The following MED12L variants were observed in gnomAD, a reference collection of about 807,000 sequenced individuals.
The protein encoded by MED12L is mediator complex subunit 12L.
In MED12L, 60 loss-of-function variants were observed where a neutral mutation model predicts 281.3. That is an observed-to-expected ratio of 0.21 (90% confidence interval 0.17 to 0.26). MED12L has a LOEUF of 0.26. Among genes scored for constraint, MED12L ranks in the 10% least tolerant of loss-of-function variants. The probability of loss-of-function intolerance (pLI) is 1.00; values close to 1 mark genes in which losing one functional copy is unlikely to be tolerated. For missense variants in MED12L, 2,146 were observed against 2,680.9 expected (o/e 0.80, Z 4.41); for synonymous variants, 974 against 987.2 (o/e 0.99, Z 0.25).
chr3:151,116,016 A>G (rs531359811), intron 2 of MED12L, among the ~76,000 whole-genome samples: 1 of 145,404 alleles, frequency 6.9e-6, no homozygotes, highest in Admixed American at 7.0e-5. Context: ...GTAAGCCGAG[A>G]TTGCGCCGCT....
chr3:151,151,142 A>G (rs1368034224), intron 5 of MED12L, among the ~76,000 whole-genome samples: 1 of 145,632 alleles, frequency 6.9e-6, no homozygotes, highest in South Asian at 2.2e-4. Flanking sequence ...GGTTCACGCC[A>G]TTCTCCTGCC....
intron 3 of MED12L, among the ~76,000 whole-genome samples, 197 bp downstream of exon 3, chr3:151,116,639 T>C (rs1051814968): frequency 2.6e-5 from 4 of 152,218 alleles, no homozygotes; most frequent in Admixed American, 2.6e-4. Flanking sequence ...TCTTTTAATT[T>C]AGTACAGTAC....
At chr3:151,383,017 T>A (rs1029911181) in intron 33 of MED12L, among the ~76,000 whole-genome samples, 2 of 152,212 alleles carry the variant, frequency 1.3e-5, no homozygotes, top group Non-Finnish European at 2.9e-5. Context: ...TCTCTTCAGT[T>A]TGTGCTAAGA....
intron 5 of MED12L, among the ~76,000 whole-genome samples, chr3:151,152,116 T>G (rs1718624622): frequency 9.3e-5 from 9 of 96,750 alleles, no homozygotes; most frequent in East Asian, 4.0e-4. Flanking sequence ...TTTTTTTTTT[T>G]GGAGACAGGG....
At chr3:151,338,014 A>G (rs1368809794) in intron 16 of MED12L, 2 of 1,614,132 alleles carry the variant, frequency 1.2e-6, no homozygotes, top group East Asian at 2.2e-5. Flanking sequence ...TCTTTCACAT[A>G]GAACAGAGTA....
rs188418174 is a variant in MED12L, at chr3:151,204,958, C to T, written c.2250+11292C>T. On this transcript the variant is annotated intron_variant, in intron 16 of 44. Coordinates refer to ENST00000687756, the MANE Select transcript of MED12L (RefSeq NM_001393769.1). ...TGCCAAATGTGAAAGCACTGAAGTG[C>T]CCTTGTTCTCAGAGTTCTATTTAAT... 8.5e-5 allele frequency among the ~76,000 whole-genome samples: 13 copies of T among 152,254 alleles called. No individual in the cohort carries two copies. In the East Asian group the frequency reaches 2.1e-3, roughly 25 times the overall value.
In MED12L at chr3:151,238,126, C is replaced by T. The variant is rs1007445043; in HGVS notation, c.2250+44460C>T. Among the ~76,000 whole-genome samples the T allele has an allele frequency of 2.8e-5, 4 of 140,368 alleles. No individual in the cohort carries two copies. In the Admixed American group the frequency reaches 2.9e-4, roughly 10 times the overall value. The allele number at this position is 140,368 out of a possible 152,430, so 92.1% of individuals were successfully genotyped here. On this transcript the variant is annotated intron_variant, in intron 16 of 44. Transcript: ENST00000687756. ...TTCTGTCCTAAAGTTTAGAACAGTG[C>T]ACATTTTTTCTTTTTTCTTTTTCTT... is the stretch of plus-strand genomic sequence containing the variant.
chr3:151,226,453 A>G (rs1730509346), intron 16 of MED12L, among the ~76,000 whole-genome samples: 1 of 152,242 alleles, frequency 6.6e-6, no homozygotes, highest in African/African-American at 2.4e-5. Context: ...GGCACCTAAC[A>G]CATAGCCAGA....
intron 11 of MED12L, among the ~76,000 whole-genome samples, chr3:151,170,277 C>CTTT (rs113849929): frequency 8.7e-5 from 12 of 137,766 alleles, no homozygotes; most frequent in Admixed American, 2.9e-4. Flanking sequence ...TTTTCTTTTT[C>CTTT]TTTTTTTTTT....
Position 151,376,169 on chromosome 3 carries a change from C to T in MED12L, c.4008C>T (p.Thr1336=), listed in dbSNP as rs372962462. Residue 1336 remains threonine, a synonymous_variant, in exon 28 of 45, where the codon ACC becomes ACT. Transcript: ENST00000687756. ...ICYPHGIKEC[T]EGDNLQRQHI... The stretch of plus-strand genomic sequence containing the variant: ...ATCCTCATGGCATTAAAGAATGTAC[C>T]GAGGGGGACAATCTGCAAAGACAGC... The T allele has an allele frequency of 2.4e-5, 38 of 1,605,208 alleles. No individual in the cohort carries two copies. The highest frequency in any genetic ancestry group is 2.7e-5 in the Non-Finnish European group (32 of 1,176,822).
chr3:151,388,288 A>C, intron 37 of MED12L, 116 bp downstream of exon 37: 3 of 1,297,584 alleles, frequency 2.3e-6, no homozygotes. Context: ...TTGTTATGAC[A>C]GTTCTCCTAA....
chr3:151,338,577 C>A, intron 16 of MED12L: 1 of 1,613,824 alleles, frequency 6.2e-7, no homozygotes, highest in Non-Finnish European at 8.5e-7. Flanking sequence ...TCTCAGTGGT[C>A]CTGTTCCCAG....
At chr3:151,303,577 A>C (rs1746237460) in intron 16 of MED12L, among the ~76,000 whole-genome samples, 1 of 152,334 alleles carries the variant, frequency 6.6e-6, no homozygotes, top group South Asian at 2.1e-4. Context: ...AGCCTGGCCA[A>C]CATGGTGAAA....
chr3:151,092,051 A>G (rs1330251580), intron 2 of MED12L, among the ~76,000 whole-genome samples: 3 of 152,212 alleles, frequency 2.0e-5, no homozygotes, highest in Admixed American at 2.0e-4. Flanking sequence ...AACAGCCACA[A>G]GATCCTGCCT....
intron 16 of MED12L, among the ~76,000 whole-genome samples, chr3:151,287,500 ATTG>A (rs1335471511): frequency 6.6e-6 from 1 of 152,140 alleles, no homozygotes; most frequent in Non-Finnish European, 1.5e-5. Flanking sequence ...ATATGATGGT[ATTG>A]TTAAGTGAGT....
At chr3:151,427,125 A>G (rs1718964704) in intron 43 of MED12L, among the ~76,000 whole-genome samples, 1 of 152,122 alleles carries the variant, frequency 6.6e-6, no homozygotes, top group African/African-American at 2.4e-5. Context: ...GGCCTGGTTT[A>G]CATTTTTGAA....
chr3:151,295,139 A>G, intron 16 of MED12L: 1 of 1,613,604 alleles, frequency 6.2e-7, no homozygotes, highest in Non-Finnish European at 8.5e-7. Context: ...TTCATTGTGA[A>G]GGGTGGTGTT....
At chr3:151,123,369 C>A (rs1714045089) in intron 4 of MED12L, among the ~76,000 whole-genome samples, 1 of 152,214 alleles carries the variant, frequency 6.6e-6, no homozygotes, top group Non-Finnish European at 1.5e-5. Flanking sequence ...CATCCAAATG[C>A]TTCAAGCTGT....
intron 21 of MED12L, among the ~76,000 whole-genome samples, chr3:151,362,271 TCAGTGATTTTC>T (rs1754703930): frequency 6.6e-6 from 1 of 152,122 alleles, no homozygotes; most frequent in African/African-American, 2.4e-5. Context: ...TCACAGGCTT[TCAGTGATTTTC>T]CACCCACTCA....
Sources: allele counts gnomAD v4.1 joint callset (sites outside exome capture counted in the v4.1 genomes callset), GRCh38; gene constraint gnomAD v4.1.1; transcripts MANE v1.5; gene names NCBI Gene and HGNC (gene_info 2026-07-23, HGNC 2026-07-21).